The following SF3A3 variants were observed in gnomAD, a reference collection of about 807,000 sequenced individuals.
The protein encoded by SF3A3 is splicing factor 3a subunit 3.
SF3A3 carries 9 observed loss-of-function variants against 85.8 expected under a neutral mutation model. The ratio of observed to expected loss-of-function variants is 0.10; its 90% CI spans 0.06 to 0.18. The LOEUF (loss-of-function observed/expected upper bound fraction) is 0.18, where lower values mean the gene tolerates loss of function less well. SF3A3 is among the 10% of genes least tolerant of loss of function. The pLI, the probability that SF3A3 is intolerant of heterozygous loss-of-function variation, is 1.00. For synonymous variants in SF3A3, 195 were observed against 204.4 expected, an observed-to-expected ratio of 0.95 and a Z score of 0.39; for missense variants, 306 against 593.3, an observed-to-expected ratio of 0.52 and a Z score of 5.03.
At chr1:37,971,038 A>G (rs1277900481) in intron 12 of SF3A3, among the ~76,000 whole-genome samples, 2 of 151,956 alleles carry the variant, frequency 1.3e-5, no homozygotes, top group East Asian at 3.8e-4. Flanking sequence ...GACACACAAA[A>G]AAACCCTTCA....
chr1:37,968,050 C>T lies in SF3A3; in HGVS notation c.1366G>A (p.Val456Ile), dbSNP rs767673907. ...GTAAATAAATCTTACTTACAGGAGA[C>T]AGCATCTTCAATCTGTGTCACATTA... The part of the protein sequence containing the change: ...FANVTQIEDA[V>I]SLWAKLKLQK... The change falls in exon 15 of 17, where the codon GTC becomes ATC. Residue 456 changes from valine to isoleucine, a missense_variant. Coordinates refer to ENST00000373019, the MANE Select transcript of SF3A3 (RefSeq NM_006802.4). 1 of 1,606,002 alleles carries T rather than the reference C, an allele frequency of 6.2e-7. No homozygotes were observed. The highest frequency in any genetic ancestry group is 8.5e-7 in the Non-Finnish European group (1 of 1,172,680).
intron 4 of SF3A3, among the ~76,000 whole-genome samples, chr1:37,986,670 G>A (rs1207089936): frequency 2.6e-5 from 4 of 151,922 alleles, no homozygotes. Flanking sequence ...AAATTAGCCA[G>A]GCGTGGTGGC....
intron 15 of SF3A3, among the ~76,000 whole-genome samples, chr1:37,967,653 G>A (rs1475413297): frequency 8.8e-6 from 1 of 113,136 alleles, no homozygotes; most frequent in Non-Finnish European, 1.7e-5. Flanking sequence ...ACTCCAACCT[G>A]GGCGACAGAG....
intron 8 of SF3A3, among the ~76,000 whole-genome samples, chr1:37,979,770 T>A (rs1049915525): frequency 5.9e-5 from 9 of 152,030 alleles, no homozygotes; most frequent in African/African-American, 1.7e-4. Flanking sequence ...GGTGGGAAGA[T>A]CTCTTGAGCC....
chr1:37,967,638 A>G (rs1172658114), intron 15 of SF3A3, among the ~76,000 whole-genome samples: 1 of 122,848 alleles, frequency 8.1e-6, no homozygotes, highest in Non-Finnish European at 1.6e-5. Context: ...AGATCATGCC[A>G]CTGCACTCCA....
chr1:37,960,891 G>A (rs979369481), intron 15 of SF3A3, among the ~76,000 whole-genome samples: 7 of 151,964 alleles, frequency 4.6e-5, no homozygotes, highest in Admixed American at 2.0e-4. Flanking sequence ...CTGACCTCGT[G>A]ATCCACCCGC....
At chr1:37,988,290 A>C (rs964190656) in intron 2 of SF3A3, among the ~76,000 whole-genome samples, 2 of 152,224 alleles carry the variant, frequency 1.3e-5, no homozygotes, top group African/African-American at 2.4e-5. Flanking sequence ...AAAGTATACT[A>C]ATTCAGGATG....
At chr1:37,963,658 G>A (rs970241030) in intron 15 of SF3A3, among the ~76,000 whole-genome samples, 1 of 150,436 alleles carries the variant, frequency 6.6e-6, no homozygotes, top group Admixed American at 6.6e-5. Context: ...CTGGGTTCAC[G>A]CCATTCTCCT....
At chr1:37,960,064 G>A (rs1284851135) in intron 16 of SF3A3, 56 bp downstream of exon 16, 9 of 1,407,900 alleles carry the variant, frequency 6.4e-6, no homozygotes, top group Non-Finnish European at 9.1e-6. Flanking sequence ...TCTACATGGT[G>A]AGGGAGCTCT....
intron 11 of SF3A3, 54 bp from the exon 12 acceptor site, chr1:37,977,007 G>T: frequency 8.0e-7 from 1 of 1,257,860 alleles, no homozygotes; most frequent in Non-Finnish European, 1.2e-6. Context: ...CCATTGTTTT[G>T]TTCCCTATAT....
intron 4 of SF3A3, among the ~76,000 whole-genome samples, chr1:37,986,539 C>T (rs1292787302): frequency 2.6e-5 from 4 of 152,002 alleles, no homozygotes; most frequent in African/African-American, 7.2e-5. Flanking sequence ...GGGCCGGGCG[C>T]GGTGGCTCAT....
chr1:37,972,919 G>A (rs925275196), intron 12 of SF3A3, among the ~76,000 whole-genome samples: 1 of 152,154 alleles, frequency 6.6e-6, no homozygotes, highest in Non-Finnish European at 1.5e-5. Flanking sequence ...GGTGGCTCAC[G>A]CCTGTAATCC....
intron 15 of SF3A3, 134 bp from the exon 16 acceptor site, chr1:37,960,309 C>T: frequency 1.3e-6 from 1 of 764,828 alleles, no homozygotes; most frequent in Non-Finnish European, 2.2e-6. Flanking sequence ...CTACCCCAAA[C>T]CAGAGTTTTG....
At chr1:37,970,356 A>G (rs1297762205) in intron 12 of SF3A3, among the ~76,000 whole-genome samples, 1 of 152,048 alleles carries the variant, frequency 6.6e-6, no homozygotes, top group Non-Finnish European at 1.5e-5. Flanking sequence ...CAGATTCATA[A>G]AGCAAGTCCT....
chr1:37,969,031 G>A (rs1046000891), intron 14 of SF3A3, among the ~76,000 whole-genome samples: 3 of 152,108 alleles, frequency 2.0e-5, no homozygotes, highest in Non-Finnish European at 4.4e-5. Context: ...TTAGCAATGG[G>A]GTAGAGAAAT....
intron 4 of SF3A3, 126 bp downstream of exon 4, chr1:37,987,447 C>T: frequency 2.8e-6 from 2 of 705,540 alleles, no homozygotes; most frequent in Non-Finnish European, 4.9e-6. Context: ...AACTATGGTC[C>T]TTGCAGCTAA....
intron 15 of SF3A3, among the ~76,000 whole-genome samples, chr1:37,967,048 G>A (rs544605225): frequency 5.5e-5 from 7 of 127,548 alleles, no homozygotes; most frequent in Admixed American, 1.7e-4. Flanking sequence ...TCAGGAGTTC[G>A]TCACCTCAAC....
intron 15 of SF3A3, among the ~76,000 whole-genome samples, chr1:37,964,576 C>G (rs1646285836): frequency 6.6e-6 from 1 of 152,002 alleles, no homozygotes; most frequent in Non-Finnish European, 1.5e-5. Flanking sequence ...CCACTGCACT[C>G]CAGCCTGGTT....
intron 16 of SF3A3, among the ~76,000 whole-genome samples, chr1:37,959,789 C>T (rs927294140): frequency 6.6e-5 from 10 of 151,720 alleles, no homozygotes; most frequent in Non-Finnish European, 2.9e-5. Flanking sequence ...GAAACCCTGT[C>T]GCTACTAAAA....
Sources: allele counts gnomAD v4.1 joint callset (sites outside exome capture counted in the v4.1 genomes callset), GRCh38; gene constraint gnomAD v4.1.1; transcripts MANE v1.5; gene names NCBI Gene and HGNC (gene_info 2026-07-23, HGNC 2026-07-21).